Variants in PIP5K1B observed in about 807,000 individuals in gnomAD.
PIP5K1B encodes the protein phosphatidylinositol 4-phosphate 5-kinase type-1 beta.
PIP5K1B carries 42 observed loss-of-function variants against 67.0 expected under a neutral mutation model. That is an observed-to-expected ratio of 0.63 (90% CI 0.49 to 0.81). The LOEUF is 0.81. Among genes scored for constraint, PIP5K1B ranks in the 30% least tolerant of loss-of-function variants. The pLI, the probability that PIP5K1B is intolerant of heterozygous loss-of-function variation, is 0.00. For missense variants in PIP5K1B, 459 were observed against 646.3 expected, an observed-to-expected ratio of 0.71 and a Z score of 3.14; for synonymous variants, 214 against 231.4, an observed-to-expected ratio of 0.92 and a Z score of 0.68.
chr9:68,727,330 C>A (rs73455630), intron 1 of PIP5K1B, among the ~76,000 whole-genome samples: 1 of 152,074 alleles, frequency 6.6e-6, no homozygotes, highest in Non-Finnish European at 1.5e-5. Context: ...ATCACTCTCA[C>A]GAAGTCTTCT....
At chr9:68,879,796 A>G (rs1824081101) in intron 6 of PIP5K1B, among the ~76,000 whole-genome samples, 1 of 152,114 alleles carries the variant, frequency 6.6e-6, no homozygotes, top group South Asian at 2.1e-4. Context: ...TGTACCTCTA[A>G]AATATGTATA....
chr9:68,712,863 A>C (rs185761241), intron 1 of PIP5K1B, among the ~76,000 whole-genome samples: 17 of 152,388 alleles, frequency 1.1e-4, no homozygotes, highest in African/African-American at 3.8e-4. Flanking sequence ...ACGTTGCTAC[A>C]CTGTTAAAAT....
chr9:68,855,076 A>T (rs1249206785), intron 4 of PIP5K1B, among the ~76,000 whole-genome samples: 2 of 152,236 alleles, frequency 1.3e-5, no homozygotes, highest in Non-Finnish European at 2.9e-5. Context: ...TATGAATGAG[A>T]AAAATATAGA....
chr9:68,739,457 C>CT (rs1828897322), intron 1 of PIP5K1B, among the ~76,000 whole-genome samples: 1 of 152,184 alleles, frequency 6.6e-6, no homozygotes, highest in African/African-American at 2.4e-5. Context: ...TTTATTTTGA[C>CT]TGACAAAGAC....
intron 6 of PIP5K1B, 54 bp from the exon 7 acceptor site, chr9:68,888,927 A>C (rs977430982): frequency 8.0e-7 from 1 of 1,247,908 alleles, no homozygotes; most frequent in African/African-American, 1.5e-5. Flanking sequence ...TCCTCCTTGG[A>C]GGCATCACGT....
chr9:68,875,095 C>G lies in PIP5K1B; in HGVS notation c.201-1582C>G, dbSNP rs144714149. Among the ~76,000 whole-genome samples the G allele has an allele frequency of 5.0e-3, 766 of 151,978 alleles. 3 individuals are homozygous for G. The highest frequency in any genetic ancestry group is 0.017 in the African/African-American group (694 of 41,450). On this transcript the variant is annotated intron_variant, in intron 5 of 15. Transcript: ENST00000265382. Reference sequence around the variant, plus strand: ...ATGCATACTGAATATTCAACAATAACCATTTGAATGAGTGGATGATTTGGG... The same window carrying G: ...ATGCATACTGAATATTCAACAATAAGCATTTGAATGAGTGGATGATTTGGG...
intron 2 of PIP5K1B, among the ~76,000 whole-genome samples, chr9:68,812,117 G>T (rs1833200595): frequency 6.6e-6 from 1 of 152,220 alleles, no homozygotes; most frequent in African/African-American, 2.4e-5. Flanking sequence ...TTACAAACCA[G>T]CCTCACAGCA....
intron 1 of PIP5K1B, among the ~76,000 whole-genome samples, chr9:68,723,495 A>G (rs1046438595): frequency 2.6e-5 from 4 of 151,450 alleles, no homozygotes; most frequent in Admixed American, 1.3e-4. Context: ...CATCCTCTCC[A>G]GCATTTGTTA....
chr9:68,919,944 G>A (rs900250784), intron 11 of PIP5K1B, among the ~76,000 whole-genome samples: 1 of 152,142 alleles, frequency 6.6e-6, no homozygotes. Context: ...CCAGCCTAGC[G>A]GCCAGAAAAA....
intron 15 of PIP5K1B, among the ~76,000 whole-genome samples, chr9:69,005,486 C>G (rs1831033832): frequency 6.6e-6 from 1 of 152,194 alleles, no homozygotes; most frequent in Non-Finnish European, 1.5e-5. Flanking sequence ...CTCCCAGGTT[C>G]AAGCAATACT....
intron 12 of PIP5K1B, among the ~76,000 whole-genome samples, chr9:68,933,566 G>A (rs1272368279): frequency 6.6e-6 from 1 of 151,910 alleles, no homozygotes; most frequent in African/African-American, 2.4e-5. Flanking sequence ...AGAAAAGAAA[G>A]ACACCTGAAA....
chr9:68,966,164 A>T, intron 14 of PIP5K1B, among the ~76,000 whole-genome samples: 1 of 152,152 alleles, frequency 6.6e-6, no homozygotes. Flanking sequence ...TTAATATATG[A>T]TTGAATAAAT....
At chr9:68,907,144 C>A (rs1825654948) in intron 8 of PIP5K1B, among the ~76,000 whole-genome samples, 1 of 152,204 alleles carries the variant, frequency 6.6e-6, no homozygotes, top group South Asian at 2.1e-4. Context: ...TAGACAGTCA[C>A]CCCTCCAGTT....
rs1305602142 is a variant in PIP5K1B, at chr9:68,800,291, T to C, written c.-85-18170T>C. Among the ~76,000 whole-genome samples the C allele has an allele frequency of 3.3e-5, 5 of 152,166 alleles. No individual in the cohort carries two copies. The South Asian group carries it at 8.3e-4, about 25-fold the overall frequency. ...TCTCTTGCTTAGGCCCTGCAAATGT[T>C]GGGGGTAGACCTTGCCTTTCGAATG... On this transcript the variant is annotated intron_variant, in intron 2 of 15. Transcript: ENST00000265382.
At position 68,723,694 on chromosome 9, in the gene PIP5K1B, G is replaced by GTTTTTTTTTTT. The variant is rs1224332057; in HGVS notation, c.-243+17932_-243+17933insTTTTTTTTTTT. On this transcript the variant is annotated intron_variant, in intron 1 of 15. Transcript: ENST00000265382. ...TGCCCATTTTTTAATTGAAGTATTT[G>GTTTTTTTTTTT]GTTTTTTTTTTTTTTTTTTTTTTGC... Among the ~76,000 whole-genome samples, 4 of 36,708 alleles carry GTTTTTTTTTTT rather than the reference G, an allele frequency of 1.1e-4. 1 individual carries two copies. The Admixed American group carries it at 1.2e-3, about 11-fold the overall frequency. 24.1% of individuals were successfully genotyped at this position (36,708 alleles called of 152,430 possible). A position where few individuals can be genotyped will look rare whatever the true frequency, so the allele number is the denominator to read the frequency against.
intron 2 of PIP5K1B, among the ~76,000 whole-genome samples, chr9:68,791,064 G>GT (rs1205994710): frequency 2.6e-5 from 4 of 152,262 alleles, no homozygotes; most frequent in Middle Eastern, 3.4e-3. Context: ...TATAATTCTG[G>GT]TTTTTTTCCA....
intron 7 of PIP5K1B, among the ~76,000 whole-genome samples, 175 bp downstream of exon 7, chr9:68,889,308 G>A (rs1030247378): frequency 1.4e-4 from 21 of 152,020 alleles, no homozygotes; most frequent in African/African-American, 5.1e-4. Context: ...AAGTAAACTA[G>A]AACTGAATGG....
At chr9:68,828,860 G>C (rs1026105382) in intron 4 of PIP5K1B, among the ~76,000 whole-genome samples, 4 of 152,120 alleles carry the variant, frequency 2.6e-5, no homozygotes, top group Non-Finnish European at 5.9e-5. Context: ...CCAGCACTTC[G>C]GGAGGCCGAG....
chr9:68,744,999 A>G (rs1829216622), intron 2 of PIP5K1B, among the ~76,000 whole-genome samples: 1 of 152,114 alleles, frequency 6.6e-6, no homozygotes, highest in African/African-American at 2.4e-5. Flanking sequence ...AAACACTCAC[A>G]CTTCCTTTGT....
Sources: allele counts gnomAD v4.1 joint callset (sites outside exome capture counted in the v4.1 genomes callset), GRCh38; gene constraint gnomAD v4.1.1; transcripts MANE v1.5; gene names NCBI Gene and HGNC (gene_info 2026-07-23, HGNC 2026-07-21).